The following STT3B variants were observed in gnomAD, a reference collection of about 807,000 sequenced individuals.
The protein encoded by STT3B is dolichyl-diphosphooligosaccharide--protein glycosyltransferase subunit STT3B.
In STT3B, 29 loss-of-function variants were observed where a neutral mutation model predicts 96.8. The observed-to-expected ratio is 0.30, with a 90% CI of 0.22 to 0.41. The LOEUF is 0.41. STT3B is among the 10% of genes least tolerant of loss of function. The pLI, the probability that STT3B is intolerant of heterozygous loss-of-function variation, is 1.00. For synonymous variants in STT3B, 367 were observed against 360.0 expected (o/e 1.02, Z -0.22); for missense variants, 640 against 1,022.3 (o/e 0.63, Z 5.10).
intron 1 of STT3B, among the ~76,000 whole-genome samples, chr3:31,571,283 A>AT (rs112096800): frequency 0.72 from 102,665 of 143,566 alleles, 38,711 homozygotes; most frequent in Admixed American, 0.84. Context: ...AGCCTCATGC[A>AT]TTTTTTTTTT....
intron 4 of STT3B, among the ~76,000 whole-genome samples, chr3:31,597,575 G>A (rs901517957): frequency 2.6e-5 from 4 of 151,746 alleles, no homozygotes; most frequent in African/African-American, 9.7e-5. Context: ...TCCCACTTCA[G>A]CTTCCTGAGC....
At chr3:31,623,507 C>T (rs1224969733) in intron 10 of STT3B, among the ~76,000 whole-genome samples, 167 bp from the exon 11 acceptor site, 1 of 152,154 alleles carries the variant, frequency 6.6e-6, no homozygotes, top group Non-Finnish European at 1.5e-5. Flanking sequence ...TCACGTTTGA[C>T]TTAGAAAACA....
chr3:31,590,945 A>G (rs1698650746), intron 3 of STT3B, among the ~76,000 whole-genome samples: 1 of 152,112 alleles, frequency 6.6e-6, no homozygotes, highest in Non-Finnish European at 1.5e-5. Context: ...CTTGAAAAGA[A>G]CATGTATTCT....
At position 31,622,114 on chromosome 3, in the gene STT3B, A is replaced by G; in HGVS notation, c.1345A>G (p.Ser449Gly). 9 of 1,613,934 alleles carry G rather than the reference A, an allele frequency of 5.6e-6. No individual in the cohort carries two copies. Among genetic ancestry groups the G allele is most frequent in the Non-Finnish European group, 7.6e-6 (9 of 1,179,794 alleles). ...CTTTGCAGTTGCTCTATATGCAATCAGTGCTGTCTACTTTGCTGGAGTGAT... is the reference window on the plus strand; with the variant it reads ...CTTTGCAGTTGCTCTATATGCAATCGGTGCTGTCTACTTTGCTGGAGTGAT... ...ERVFVALYAISAVYFAGVMVR... is the reference protein window; with the variant it reads ...ERVFVALYAIGAVYFAGVMVR... The change falls in exon 10 of 16, where the codon AGT becomes GGT. Residue 449 changes from serine (S) to glycine (G), a missense_variant. This residue lies in a region of STT3B where 33 missense variants were observed against 43.1 expected (regional missense o/e 0.77). Transcript: ENST00000295770.
At chr3:31,589,990 G>A (rs1368828562) in intron 3 of STT3B, among the ~76,000 whole-genome samples, 2 of 151,914 alleles carry the variant, frequency 1.3e-5, no homozygotes, top group Non-Finnish European at 2.9e-5. Context: ...ATGTGGACCA[G>A]GGAAGATTTT....
intron 11 of STT3B, among the ~76,000 whole-genome samples, chr3:31,624,062 A>G (rs1437239130): frequency 1.3e-5 from 2 of 152,212 alleles, no homozygotes; most frequent in Non-Finnish European, 2.9e-5. Context: ...TGATACAGGC[A>G]TGTGTAATAA....
chr3:31,600,292 A>C, intron 4 of STT3B, 68 bp from the exon 5 acceptor site: 1 of 652,978 alleles, frequency 1.5e-6, no homozygotes, highest in Non-Finnish European at 2.5e-6. Context: ...TTGTATGTTT[A>C]GATTCCTAAA....
chr3:31,535,449 CG>C (rs1171591490), intron 1 of STT3B, among the ~76,000 whole-genome samples: 2 of 151,568 alleles, frequency 1.3e-5, no homozygotes, highest in Non-Finnish European at 2.9e-5. Flanking sequence ...TTTGGTCGGG[CG>C]CGGTGGCTCA....
intron 5 of STT3B, among the ~76,000 whole-genome samples, chr3:31,607,836 G>A (rs1699090520): frequency 6.6e-6 from 1 of 152,070 alleles, no homozygotes; most frequent in Admixed American, 6.5e-5. Context: ...CTGGGCTGAA[G>A]TGGTCCTCCC....
At chr3:31,602,300 A>C (rs1698945613) in intron 5 of STT3B, among the ~76,000 whole-genome samples, 1 of 151,488 alleles carries the variant, frequency 6.6e-6, no homozygotes, top group Non-Finnish European at 1.5e-5. Context: ...ATAACAGATT[A>C]AACTTTTTTT....
At position 31,533,226 on chromosome 3, in the gene STT3B, C is replaced by T. The variant is rs1207139028; in HGVS notation, c.228C>T (p.Ile76=). 4 of 1,482,212 alleles carry T rather than the reference C, an allele frequency of 2.7e-6. No individual in the cohort carries two copies. The highest frequency in any genetic ancestry group is 3.6e-6 in the Non-Finnish European group (4 of 1,112,420). 91.8% of individuals were successfully genotyped at this position (1,482,212 alleles called of 1,614,324 possible). The part of the protein sequence containing the change: ...AGWQSLLSFT[I]LFLAWLAGFS... ...GGCAGTCGCTTCTCTCCTTCACCAT[C>T]CTCTTCCTGGCCTGGCTTGCCGGCT... The change falls in exon 1 of 16, where the codon ATC becomes ATT. Residue 76 remains isoleucine, a synonymous_variant. Coordinates refer to ENST00000295770, the MANE Select transcript of STT3B (RefSeq NM_178862.3).
intron 5 of STT3B, among the ~76,000 whole-genome samples, chr3:31,606,543 C>T (rs763285170): frequency 3.3e-5 from 5 of 152,180 alleles, no homozygotes; most frequent in Non-Finnish European, 4.4e-5. Flanking sequence ...CGGCAGCTTC[C>T]ACATGGTGTT....
chr3:31,566,418 G>A (rs1436880291), intron 1 of STT3B, among the ~76,000 whole-genome samples: 2 of 152,154 alleles, frequency 1.3e-5, no homozygotes, highest in Non-Finnish European at 2.9e-5. Flanking sequence ...CCGCAAAGGA[G>A]TGTGTATGTG....
intron 1 of STT3B, among the ~76,000 whole-genome samples, chr3:31,551,198 GTTT>G (rs1295229588): frequency 7.1e-6 from 1 of 140,702 alleles, no homozygotes; most frequent in Non-Finnish European, 1.5e-5. Flanking sequence ...GTTTTTGGGT[GTTT>G]TTTGTTTGTT....
intron 5 of STT3B, among the ~76,000 whole-genome samples, chr3:31,606,484 T>A (rs1699056700): frequency 7.6e-6 from 1 of 132,328 alleles, no homozygotes; most frequent in Admixed American, 8.3e-5. Flanking sequence ...CTAAAAGGGG[T>A]TAAGGTACAG....
rs1559495067 is a variant in STT3B at position 31,533,418 on chromosome 3, C to CG, written c.314+106_314+107insG. 13 of 1,268,378 alleles carry CG rather than the reference C, an allele frequency of 1.0e-5. No individual in the cohort carries two copies. In the African/African-American group the frequency reaches 1.6e-4, roughly 15 times the overall value. 78.6% of individuals were successfully genotyped at this position (1,268,378 alleles called of 1,614,324 possible). On this transcript the variant is annotated intron_variant, in intron 1 of 15. Coordinates refer to ENST00000295770, the MANE Select transcript of STT3B (RefSeq NM_178862.3). ...GACTTGGCCCCGCGCCGCCGCGGAG[C>CG]CCCGCTCGCGTCCTGGCTGAGGCCG...
intron 3 of STT3B, among the ~76,000 whole-genome samples, chr3:31,584,725 G>T (rs1244370356): frequency 3.9e-5 from 6 of 152,088 alleles, no homozygotes; most frequent in African/African-American, 1.4e-4. Context: ...AATAAATTAG[G>T]TTTACGGTGG....
intron 1 of STT3B, among the ~76,000 whole-genome samples, chr3:31,572,033 T>TATATGATATATTAATATATATTA (rs1166037302): frequency 6.5e-5 from 3 of 46,058 alleles, no homozygotes; most frequent in Non-Finnish European, 2.7e-4. Context: ...TATATATTAA[T>TATATGATATATTAATATATATTA]ATATGATATA....
At position 31,583,939 on chromosome 3, in the gene STT3B, TTTG is replaced by T. The variant is rs146092080; in HGVS notation, c.711+3856_711+3858del. Reference sequence around the variant, plus strand: ...AAATTTTTATGAAGTCTAATTAATTTTTGTTGTTGTTGTTGCTTGTGCTTTTAG... The same window carrying T: ...AAATTTTTATGAAGTCTAATTAATTTTTGTTGTTGTTGCTTGTGCTTTTAG... On this transcript the variant is annotated intron_variant, in intron 3 of 15. Coordinates refer to ENST00000295770, the MANE Select transcript of STT3B (RefSeq NM_178862.3). Among the ~76,000 whole-genome samples, 399 of 152,240 alleles carry T rather than the reference TTTG, an allele frequency of 2.6e-3. 2 individuals are homozygous for T. Among genetic ancestry groups the T allele is most frequent in the African/African-American group, 9.4e-3 (391 of 41,552 alleles).
Sources: gnomAD v4.1 joint callset for allele counts (sites outside exome capture counted in the v4.1 genomes callset) on GRCh38, gnomAD v4.1.1 for gene constraint, gnomAD v4.1.1 regional missense constraint, MANE v1.5 for transcripts, NCBI Gene and HGNC (gene_info 2026-07-23, HGNC 2026-07-21) for gene names.